The following GRK3 variants were observed in gnomAD, a reference collection of about 807,000 sequenced individuals.
The protein encoded by GRK3 is G protein-coupled receptor kinase 3, also known as adrenergic, beta, receptor kinase 2.
A neutral mutation model predicts 95.7 loss-of-function variants in GRK3; 54 were observed. The observed-to-expected ratio is 0.56, with a 90% CI of 0.45 to 0.71. The LOEUF is 0.71. Among genes scored for constraint, GRK3 ranks in the 30% least tolerant of loss-of-function variants. The pLI is 0.00. For synonymous variants in GRK3, 281 were observed against 290.8 expected (o/e 0.97, Z 0.34); for missense variants, 649 against 851.2 (o/e 0.76, Z 2.96).
At chr22:25,695,018 C>G in intron 12 of GRK3, 89 bp from the exon 13 acceptor site, 1 of 825,422 alleles carries the variant, frequency 1.2e-6, no homozygotes. Context: ...TCGCTGCCAT[C>G]TAATGAAGGA....
At chr22:25,719,542 A>G (rs1305006714) in intron 19 of GRK3, among the ~76,000 whole-genome samples, 2 of 152,204 alleles carry the variant, frequency 1.3e-5, no homozygotes, top group African/African-American at 2.4e-5. Flanking sequence ...TCGAGAGCTA[A>G]TGTTTGTGAA....
intron 1 of GRK3, among the ~76,000 whole-genome samples, chr22:25,594,160 G>A (rs954624965): frequency 3.3e-5 from 5 of 152,190 alleles, no homozygotes; most frequent in African/African-American, 9.7e-5. Flanking sequence ...TAGTTTGATA[G>A]CAATAGCATT....
At chr22:25,649,980 A>G (rs1449687475) in intron 3 of GRK3, among the ~76,000 whole-genome samples, 2 of 148,618 alleles carry the variant, frequency 1.3e-5, no homozygotes, top group African/African-American at 5.2e-5. Context: ...TTAATCTTGT[A>G]TGAGGTTGCA....
At chr22:25,645,831 G>C (rs2084777787) in intron 3 of GRK3, among the ~76,000 whole-genome samples, 1 of 151,882 alleles carries the variant, frequency 6.6e-6, no homozygotes, top group Non-Finnish European at 1.5e-5. Context: ...TGAGGCAGGA[G>C]AATGGTGTGA....
chr22:25,711,273 T>C, intron 17 of GRK3, 110 bp downstream of exon 17: 1 of 589,648 alleles, frequency 1.7e-6, no homozygotes, highest in South Asian at 2.9e-5. Context: ...AGTATTTAAC[T>C]TACAAATGAG....
chr22:25,711,472 C>G (rs1446241151), intron 17 of GRK3, among the ~76,000 whole-genome samples: 5 of 152,098 alleles, frequency 3.3e-5, no homozygotes, highest in Admixed American at 3.3e-4. Context: ...ATCAAACATA[C>G]TTCCCTAGTG....
intron 1 of GRK3, among the ~76,000 whole-genome samples, chr22:25,568,508 C>T (rs923842565): frequency 3.9e-5 from 6 of 152,160 alleles, no homozygotes; most frequent in African/African-American, 1.4e-4. Context: ...TCTGAAACAA[C>T]ATTTTAAAGA....
intron 18 of GRK3, among the ~76,000 whole-genome samples, chr22:25,717,018 C>T (rs1020884686): frequency 7.9e-5 from 12 of 152,194 alleles, no homozygotes; most frequent in Admixed American, 2.0e-4. Flanking sequence ...CCCCCATCCC[C>T]GTCTGTGGAA....
intron 2 of GRK3, among the ~76,000 whole-genome samples, chr22:25,628,647 G>A (rs1355435468): frequency 2.6e-5 from 4 of 152,180 alleles, no homozygotes; most frequent in Non-Finnish European, 5.9e-5. Flanking sequence ...CTTTTATATT[G>A]TATTCGAAGG....
chr22:25,606,340 C>A (rs796788658), intron 2 of GRK3, among the ~76,000 whole-genome samples: 7 of 152,320 alleles, frequency 4.6e-5, no homozygotes, highest in African/African-American at 1.7e-4. Context: ...TGATCGGAGG[C>A]TTAGGGAGAG....
intron 7 of GRK3, among the ~76,000 whole-genome samples, chr22:25,672,861 C>G (rs1487756100): frequency 6.6e-6 from 1 of 152,104 alleles, no homozygotes. Flanking sequence ...GTTTCATCTA[C>G]TTTAAGTTTT....
At chr22:25,643,069 G>T (rs2084755016) in intron 2 of GRK3, among the ~76,000 whole-genome samples, 1 of 152,154 alleles carries the variant, frequency 6.6e-6, no homozygotes, top group South Asian at 2.1e-4. Context: ...GATCAAAGAA[G>T]AAATGACAAG....
chr22:25,630,568 G>A lies in GRK3; in HGVS notation c.191-14024G>A, dbSNP rs992550443. Among the ~76,000 whole-genome samples the A allele has an allele frequency of 7.9e-5, 12 of 152,296 alleles. No individual in the cohort carries two copies. The East Asian group carries it at 2.3e-3, about 29-fold the overall frequency. ...GCTGAAAGCAATCCAGCCATTGGAA[G>A]GGTTTGATAGAATTTTCTCGCCCCT... On this transcript the variant is annotated intron_variant, in intron 2 of 20. Transcript: ENST00000324198.
At chr22:25,620,006 T>TTTTGTGTGTGTG (rs144086816) in intron 2 of GRK3, among the ~76,000 whole-genome samples, 9 of 90,314 alleles carry the variant, frequency 1.0e-4, no homozygotes, top group East Asian at 6.1e-4. Context: ...TTTGTCTTTT[T>TTTTGTGTGTGTG]TGTGTGTGTG....
chr22:25,587,080 A>G (rs1201443906), intron 1 of GRK3, among the ~76,000 whole-genome samples: 1 of 152,076 alleles, frequency 6.6e-6, no homozygotes, highest in Non-Finnish European at 1.5e-5. Flanking sequence ...TAGTAGAGAC[A>G]GGGTTTCACC....
chr22:25,582,348 G>A (rs1184236964), intron 1 of GRK3, among the ~76,000 whole-genome samples: 5 of 151,922 alleles, frequency 3.3e-5, no homozygotes. Flanking sequence ...GGACCAGTGT[G>A]AAGAAAAAAA....
chr22:25,667,857 C>T, intron 6 of GRK3, 57 bp downstream of exon 6: 1 of 993,334 alleles, frequency 1.0e-6, no homozygotes, highest in South Asian at 1.3e-5. Flanking sequence ...TGTACCTCAT[C>T]TTATGCCGTA....
chr22:25,574,652 G>A (rs972854919), intron 1 of GRK3, among the ~76,000 whole-genome samples: 5 of 152,210 alleles, frequency 3.3e-5, no homozygotes, highest in African/African-American at 1.2e-4. Context: ...TGGTGGTGGT[G>A]GCGGGGTCTA....
intron 15 of GRK3, among the ~76,000 whole-genome samples, chr22:25,706,558 T>C (rs1376050159): frequency 2.0e-5 from 3 of 152,036 alleles, no homozygotes; most frequent in Non-Finnish European, 4.4e-5. Context: ...TGAGATTGAG[T>C]CTCGCTCTGT....
Sources: allele counts gnomAD v4.1 joint callset (sites outside exome capture counted in the v4.1 genomes callset), GRCh38; gene constraint gnomAD v4.1.1; transcripts MANE v1.5; gene names NCBI Gene and HGNC (gene_info 2026-07-23, HGNC 2026-07-21).